RSRC1: variants seen among roughly 807,000 people sequenced by gnomAD.
RSRC1 encodes serine/Arginine-related protein 53.
In RSRC1, 39 loss-of-function variants were observed where a neutral mutation model predicts 49.1. That is an observed-to-expected ratio of 0.79 (90% confidence interval 0.61 to 1.04). The LOEUF is 1.04. RSRC1 is among the 50% of genes least tolerant of loss of function. The probability of loss-of-function intolerance (pLI) is 0.00; values close to 1 mark genes in which losing one functional copy is unlikely to be tolerated. For missense variants in RSRC1, 388 were observed against 402.4 expected, an observed-to-expected ratio of 0.96 and a Z score of 0.31; for synonymous variants, 143 against 130.8, an observed-to-expected ratio of 1.09 and a Z score of -0.63.
intron 4 of RSRC1, among the ~76,000 whole-genome samples, chr3:158,290,429 C>G (rs899011971): frequency 6.6e-5 from 10 of 151,928 alleles, no homozygotes; most frequent in Non-Finnish European, 1.2e-4. Context: ...CCCGCCACCA[C>G]GCCCAGCTAA....
chr3:158,328,603 C>T (rs1054421799), intron 5 of RSRC1, among the ~76,000 whole-genome samples: 1 of 152,310 alleles, frequency 6.6e-6, no homozygotes, highest in East Asian at 1.9e-4. Context: ...GAGAGATCAG[C>T]TGTTAGTCTG....
chr3:158,198,358 A>C (rs367914306), intron 3 of RSRC1, among the ~76,000 whole-genome samples: 1 of 151,926 alleles, frequency 6.6e-6, no homozygotes, highest in Non-Finnish European at 1.5e-5. Context: ...ATCTTCCTCC[A>C]TCCCTTTATT....
At chr3:158,306,904 C>T (rs911776318) in intron 5 of RSRC1, among the ~76,000 whole-genome samples, 3 of 151,772 alleles carry the variant, frequency 2.0e-5, no homozygotes, top group African/African-American at 7.3e-5. Context: ...TCTGCTCTTG[C>T]AAATGTTGTG....
chr3:158,490,376 GC>G (rs1198064792), intron 7 of RSRC1, among the ~76,000 whole-genome samples: 1 of 152,170 alleles, frequency 6.6e-6, no homozygotes, highest in East Asian at 1.9e-4. Context: ...GAGCCACCAC[GC>G]CGGGCCCCTT....
chr3:158,129,290 T>C (rs1386948689), intron 3 of RSRC1, among the ~76,000 whole-genome samples: 19 of 20,256 alleles, frequency 9.4e-4, no homozygotes, highest in African/African-American at 3.8e-3. Context: ...CTTTCTTTCT[T>C]TTTTTTTTTT....
At chr3:158,419,031 AAAATATGGTTTACTATAAGTACCTCCCG>A (rs1166773514) in intron 6 of RSRC1, among the ~76,000 whole-genome samples, 1 of 152,040 alleles carries the variant, frequency 6.6e-6, no homozygotes, top group African/African-American at 2.4e-5. Flanking sequence ...GGATGGATTC[AAAATATGGTTTACTATAAGTACCTCCCG>A]ATGGAATTAG....
At chr3:158,234,655 C>G (rs1723144006) in intron 4 of RSRC1, among the ~76,000 whole-genome samples, 1 of 152,022 alleles carries the variant, frequency 6.6e-6, no homozygotes, top group African/African-American at 2.4e-5. Flanking sequence ...TCTCTTCTGT[C>G]TTTCTGTTGC....
chr3:158,488,324 TC>T lies in RSRC1; in HGVS notation c.652+27322del, dbSNP rs1269717099. ...ACAATTTAATTGACAGCTTTGTTTT[TC>T]TTACTGTTATGTAAAAGAATTGTGT... is the stretch of plus-strand genomic sequence containing the variant. On this transcript the variant is annotated intron_variant, in intron 7 of 9. Transcript: ENST00000611884. Among the ~76,000 whole-genome samples, 4 of 152,314 alleles carry T rather than the reference TC, an allele frequency of 2.6e-5. 1 individual carries two copies. Among genetic ancestry groups the T allele is most frequent in the Middle Eastern group, 6.8e-3 (2 of 294 alleles).
chr3:158,344,335 T>C (rs1028997653), intron 5 of RSRC1, among the ~76,000 whole-genome samples: 2 of 152,102 alleles, frequency 1.3e-5, no homozygotes, highest in African/African-American at 4.8e-5. Flanking sequence ...AAACCAGTTA[T>C]GGAAAGGAAA....
chr3:158,138,041 A>G (rs909920320), intron 3 of RSRC1, among the ~76,000 whole-genome samples: 5 of 152,130 alleles, frequency 3.3e-5, no homozygotes, highest in Non-Finnish European at 5.9e-5. Context: ...CTTGACTCAC[A>G]TTGGAGCCCT....
At chr3:158,407,480 G>A (rs1480210172) in intron 6 of RSRC1, among the ~76,000 whole-genome samples, 5 of 152,160 alleles carry the variant, frequency 3.3e-5, no homozygotes, top group East Asian at 3.9e-4. Flanking sequence ...GACCACATTT[G>A]GCTAATAGAC....
At chr3:158,201,610 T>C (rs962477997) in intron 3 of RSRC1, among the ~76,000 whole-genome samples, 1 of 152,194 alleles carries the variant, frequency 6.6e-6, no homozygotes, top group Non-Finnish European at 1.5e-5. Flanking sequence ...ATACAGATTC[T>C]TTCCTCTGTT....
chr3:158,361,737 G>A (rs778333349), intron 6 of RSRC1, among the ~76,000 whole-genome samples: 45 of 151,986 alleles, frequency 3.0e-4, no homozygotes, highest in Non-Finnish European at 5.9e-4. Context: ...TTTTTCCATT[G>A]GTCTTCAAGT....
At chr3:158,522,653 T>C (rs138328968) in intron 7 of RSRC1, among the ~76,000 whole-genome samples, 182 of 152,282 alleles carry the variant, frequency 1.2e-3, no homozygotes, top group Admixed American at 3.7e-3. Context: ...AGTATACTTA[T>C]GTATATTACT....
At chr3:158,543,554 T>A in intron 9 of RSRC1, 67 bp downstream of exon 9, 1 of 1,487,910 alleles carries the variant, frequency 6.7e-7, no homozygotes, top group Non-Finnish European at 9.1e-7. Flanking sequence ...CAATCTGTTA[T>A]CCTTTTGTGC....
rs551475335 is a variant in RSRC1, at chr3:158,197,080, C to T, written c.321-5992C>T. 3.9e-5 allele frequency among the ~76,000 whole-genome samples: 6 copies of T among 152,198 alleles called. No homozygotes were observed. In the South Asian group the frequency reaches 1.2e-3, roughly 32 times the overall value. ...GGAATAGTTTCAGAAGGAATGGTAT[C>T]AGCTCCTCCTTGTACCTCTGGTAGA... is the stretch of plus-strand genomic sequence containing the variant. On this transcript the variant is annotated intron_variant, in intron 3 of 9. Coordinates refer to ENST00000611884, the MANE Select transcript of RSRC1 (RefSeq NM_001271838.2).
chr3:158,252,896 T>G (rs543408249), intron 4 of RSRC1, among the ~76,000 whole-genome samples: 1 of 152,174 alleles, frequency 6.6e-6, no homozygotes, highest in Non-Finnish European at 1.5e-5. Context: ...TAGCCTTTAT[T>G]GATCCTTTAA....
At chr3:158,336,142 A>G (rs1729870979) in intron 5 of RSRC1, among the ~76,000 whole-genome samples, 1 of 152,254 alleles carries the variant, frequency 6.6e-6, no homozygotes, top group African/African-American at 2.4e-5. Flanking sequence ...CTGCCTAGGC[A>G]ATGAGGAAGA....
chr3:158,506,515 A>G (rs1418463405), intron 7 of RSRC1, among the ~76,000 whole-genome samples: 2 of 152,122 alleles, frequency 1.3e-5, no homozygotes, highest in Non-Finnish European at 2.9e-5. Context: ...GCAAAACACC[A>G]GAATAGACGT....
Sources: gnomAD v4.1 joint callset for allele counts (sites outside exome capture counted in the v4.1 genomes callset) on GRCh38, gnomAD v4.1.1 for gene constraint, MANE v1.5 for transcripts, NCBI Gene and HGNC (gene_info 2026-07-23, HGNC 2026-07-21) for gene names.